FGF13: variants seen among roughly 807,000 people sequenced by gnomAD.
FGF13 encodes fibroblast growth factor 13, also known as fibroblast growth factor homologous factor 2.
In FGF13, 2 loss-of-function variants were observed where a neutral mutation model predicts 19.5. That is an observed-to-expected ratio of 0.10 (90% confidence interval 0.04 to 0.32). FGF13 has a LOEUF of 0.32. Ranked by LOEUF, FGF13 falls within the 10% of genes least tolerant of loss-of-function variation. FGF13 has a pLI of 1.00. For missense variants in FGF13, 113 were observed against 192.7 expected, an observed-to-expected ratio of 0.59 and a Z score of 2.45; for synonymous variants, 72 against 76.9, an observed-to-expected ratio of 0.94 and a Z score of 0.33.
At chrX:139,096,905 A>G (rs1462990523) in intron 1 of FGF13, among the ~76,000 whole-genome samples, 1 of 112,101 alleles carries the variant, frequency 8.9e-6, no homozygotes, top group African/African-American at 3.2e-5. Flanking sequence ...TAAATATTAA[A>G]GAAACAGATA....
At chrX:138,865,627 G>A (rs1262407288) in intron 1 of FGF13, among the ~76,000 whole-genome samples, 1 of 109,901 alleles carries the variant, frequency 9.1e-6, no homozygotes, top group Non-Finnish European at 1.9e-5. Flanking sequence ...GTGTAAAATT[G>A]CACAGCAGCA....
At chrX:139,191,971 G>A (rs530636624) in intron 1 of FGF13, among the ~76,000 whole-genome samples, 1 of 111,380 alleles carries the variant, frequency 9.0e-6, no homozygotes, top group South Asian at 3.8e-4. Flanking sequence ...TCCCAGCCCC[G>A]CCCTCTCTGC....
chrX:138,658,711 T>C (rs993658605), intron 3 of FGF13, among the ~76,000 whole-genome samples: 1 of 111,724 alleles, frequency 9.0e-6, no homozygotes, highest in Non-Finnish European at 1.9e-5. Flanking sequence ...TGACCCTTAC[T>C]AAAGTCTGGC....
intron 3 of FGF13, 118 bp downstream of exon 3, chrX:138,702,866 C>T (rs902028312): frequency 1.3e-5 from 6 of 465,776 alleles, no homozygotes; most frequent in Admixed American, 7.3e-5. Context: ...GAAATATTTC[C>T]ATCAACATTC....
chrX:138,939,594 C>T (rs936101375), intron 1 of FGF13, among the ~76,000 whole-genome samples: 7 of 110,928 alleles, frequency 6.3e-5, no homozygotes, highest in Non-Finnish European at 1.3e-4. Context: ...AGGTAGGCTC[C>T]GGTGACTGTT....
chrX:138,966,356 C>T (rs1208650271), intron 1 of FGF13, among the ~76,000 whole-genome samples: 2 of 112,275 alleles, frequency 1.8e-5, no homozygotes, highest in Non-Finnish European at 3.8e-5. Context: ...CCTGCAAAGC[C>T]ACAGGGACAG....
At chrX:139,143,222 A>G (rs1252400078) in intron 1 of FGF13, among the ~76,000 whole-genome samples, 3 of 111,762 alleles carry the variant, frequency 2.7e-5, no homozygotes, top group African/African-American at 9.8e-5. Context: ...CTCTAAGCTC[A>G]TTTGTGTTTG....
At chrX:138,865,281 C>T (rs2091311818) in intron 1 of FGF13, among the ~76,000 whole-genome samples, 1 of 111,760 alleles carries the variant, frequency 8.9e-6, no homozygotes, top group Non-Finnish European at 1.9e-5. Context: ...GTTGCCACAC[C>T]AGATCAATTA....
chrX:138,875,720 C>T lies in FGF13; in HGVS notation c.-112-11070G>A, dbSNP rs186872401. 2.7e-5 allele frequency among the ~76,000 whole-genome samples: 3 copies of T among 111,287 alleles called. No homozygotes were observed. In the East Asian group the frequency reaches 8.5e-4, roughly 32 times the overall value. The stretch of plus-strand genomic sequence containing the variant: ...ATCCTCTCCTAAGTAAGAAATAATT[C>T]TTCATGCCTGGTGACCTTTGAACTG... On this transcript the variant is annotated intron_variant, in intron 1 of 2. Transcript: ENST00000421460.
At chrX:138,746,204 G>C (rs2090354342) in intron 3 of FGF13, among the ~76,000 whole-genome samples, 1 of 110,850 alleles carries the variant, frequency 9.0e-6, no homozygotes, top group Non-Finnish European at 1.9e-5. Context: ...TCTCAATGGT[G>C]ACTAGGTTTT....
intron 3 of FGF13, among the ~76,000 whole-genome samples, chrX:138,818,499 G>GACACACACACACACACAC (rs371760908): frequency 1.2e-5 from 1 of 84,772 alleles, no homozygotes; most frequent in Non-Finnish European, 2.3e-5. Flanking sequence ...TATATGCACA[G>GACACACACACACACACAC]ACACACACAC....
intron 3 of FGF13, among the ~76,000 whole-genome samples, chrX:138,845,683 A>AT (rs1168954886): frequency 1.8e-5 from 2 of 110,920 alleles, no homozygotes; most frequent in Non-Finnish European, 3.8e-5. Flanking sequence ...TGCTTTGGGG[A>AT]TTTTTTTTCT....
At chrX:138,818,874 T>C (rs1023490305) in intron 3 of FGF13, among the ~76,000 whole-genome samples, 1 of 111,570 alleles carries the variant, frequency 9.0e-6, no homozygotes, top group Non-Finnish European at 1.9e-5. Flanking sequence ...GAAATGTGGA[T>C]TGAAATGTAG....
chrX:138,634,448 G>A (rs2089158593), intron 4 of FGF13, among the ~76,000 whole-genome samples: 1 of 113,017 alleles, frequency 8.8e-6, no homozygotes, highest in South Asian at 3.6e-4. Flanking sequence ...GATCTTGGCT[G>A]TCCTGAGTTA....
intron 3 of FGF13, among the ~76,000 whole-genome samples, chrX:138,662,435 T>G (rs751524251): frequency 4.5e-5 from 5 of 111,823 alleles, no homozygotes; most frequent in Non-Finnish European, 9.4e-5. Flanking sequence ...CAACCATCAC[T>G]TTAATGCTCA....
chrX:139,065,747 A>G (rs1326745270), intron 1 of FGF13, among the ~76,000 whole-genome samples: 3 of 110,995 alleles, frequency 2.7e-5, no homozygotes, highest in Non-Finnish European at 5.7e-5. Flanking sequence ...ACCCGACTCA[A>G]TATTAGACAG....
At chrX:139,055,585 G>A (rs1381183780) in intron 1 of FGF13, among the ~76,000 whole-genome samples, 3 of 112,289 alleles carry the variant, frequency 2.7e-5, no homozygotes, top group Admixed American at 9.4e-5. Context: ...GCTGTTAATC[G>A]TCAGTCCTCT....
At chrX:138,963,317 G>A (rs150752479) in intron 1 of FGF13, among the ~76,000 whole-genome samples, 226 of 113,056 alleles carry the variant, frequency 2.0e-3, no homozygotes, top group African/African-American at 7.0e-3. Context: ...AAAAGTTCAT[G>A]AGTGTCCCTT....
chrX:138,898,103 A>G (rs1024945549), intron 1 of FGF13, among the ~76,000 whole-genome samples: 1 of 111,206 alleles, frequency 9.0e-6, no homozygotes, highest in African/African-American at 3.3e-5. Context: ...TACAAGAGGC[A>G]TATTTGCTCT....
Sources: allele counts gnomAD v4.1 joint callset (sites outside exome capture counted in the v4.1 genomes callset), GRCh38; gene constraint gnomAD v4.1.1; transcripts MANE v1.5; gene names NCBI Gene and HGNC (gene_info 2026-07-23, HGNC 2026-07-21).